Variants in FNDC3B observed in about 807,000 individuals in gnomAD.
FNDC3B encodes the protein fibronectin type III domain containing 3B.
In FNDC3B, 12 loss-of-function variants were observed where a neutral mutation model predicts 151.5. That is an observed-to-expected ratio of 0.08 (90% CI 0.05 to 0.13). The LOEUF is 0.13. Ranked by LOEUF, FNDC3B falls within the 10% of genes least tolerant of loss-of-function variation. The pLI is 1.00. For missense variants in FNDC3B, 1,214 were observed against 1,505.3 expected (o/e 0.81, Z 3.20); for synonymous variants, 528 against 549.0 (o/e 0.96, Z 0.54).
intron 21 of FNDC3B, among the ~76,000 whole-genome samples, chr3:172,351,793 A>C (rs1733869732): frequency 1.3e-5 from 2 of 152,132 alleles, no homozygotes; most frequent in Admixed American, 6.5e-5. Flanking sequence ...TTATGACTTG[A>C]GTGCTCTGAA....
At chr3:172,381,205 A>G in intron 25 of FNDC3B, 112 bp downstream of exon 25, 2 of 1,208,166 alleles carry the variant, frequency 1.7e-6, no homozygotes, top group Non-Finnish European at 2.3e-6. Flanking sequence ...TCAGTGATAG[A>G]AACTGCCTAA....
At chr3:172,330,785 A>G (rs970693771) in intron 13 of FNDC3B, 70 bp downstream of exon 13, 5 of 1,211,466 alleles carry the variant, frequency 4.1e-6, no homozygotes, top group Non-Finnish European at 4.7e-6. Flanking sequence ...ACAGGGCACC[A>G]TGAAATTAGA....
Position 172,251,353 on chromosome 3 carries a change from A to G in FNDC3B, c.602A>G (p.Asp201Gly). ...PHKKLKDRQI[D>G]RQNRLNSPPS... ...AAAAAACTGAAAGACCGCCAGATCG[A>G]TCGCCAGAACCGCCTCAACAGCCCT... is the stretch of plus-strand genomic sequence containing the variant. The change falls in exon 6 of 26, where the codon GAT (aspartate) becomes GGT (glycine). Residue 201 changes from aspartate (D) to glycine (G), a missense_variant. Physicochemically the swap from Asp to Gly is moderately conservative, Grantham distance 94. Around this residue, in one of 7 missense-constraint regions of FNDC3B, gnomAD observed 166 missense variants for 173.2 expected, o/e 0.96. Transcript: ENST00000415807. 1.9e-6 allele frequency: 3 copies of G among 1,614,124 alleles called. No homozygotes were observed. The highest frequency in any genetic ancestry group is 2.2e-5 in the East Asian group (1 of 44,866).
chr3:172,363,266 T>A (rs1363901028), intron 23 of FNDC3B, among the ~76,000 whole-genome samples: 1 of 152,168 alleles, frequency 6.6e-6, no homozygotes, highest in Non-Finnish European at 1.5e-5. Context: ...GTGAAATAGC[T>A]GTGGGTGATG....
chr3:172,053,088 TTCTGTGTGTG>T (rs1716747595), intron 1 of FNDC3B, among the ~76,000 whole-genome samples: 1 of 152,202 alleles, frequency 6.6e-6, no homozygotes, highest in Admixed American at 6.5e-5. Context: ...CATATGTATA[TTCTGTGTGTG>T]TCTGTGTGTA....
At chr3:172,263,599 T>TG (rs1338783399) in intron 6 of FNDC3B, among the ~76,000 whole-genome samples, 3 of 108,496 alleles carry the variant, frequency 2.8e-5, no homozygotes, top group Non-Finnish European at 7.5e-5. Flanking sequence ...TTTTTTTTTT[T>TG]TTTTTTTTTT....
At chr3:172,115,110 TGGC>T (rs1720180087) in intron 2 of FNDC3B, among the ~76,000 whole-genome samples, 6 of 152,222 alleles carry the variant, frequency 3.9e-5, no homozygotes, top group African/African-American at 1.4e-4. Context: ...GCCTAGGCAG[TGGC>T]CTCTGTGCTT....
At chr3:172,274,175 C>G (rs1299070286) in intron 6 of FNDC3B, among the ~76,000 whole-genome samples, 1 of 152,180 alleles carries the variant, frequency 6.6e-6, no homozygotes, top group African/African-American at 2.4e-5. Flanking sequence ...TTTGAAATGG[C>G]TTTCAGTAGC....
At chr3:172,149,857 C>T (rs1294313007) in intron 3 of FNDC3B, among the ~76,000 whole-genome samples, 13 of 129,914 alleles carry the variant, frequency 1.0e-4, no homozygotes, top group Non-Finnish European at 2.0e-4. Context: ...CTTGCTCTGT[C>T]ACCCAGGCTG....
intron 23 of FNDC3B, among the ~76,000 whole-genome samples, chr3:172,367,517 A>C (rs1734693097): frequency 6.6e-6 from 1 of 152,250 alleles, no homozygotes; most frequent in South Asian, 2.1e-4. Context: ...TATACAAGAA[A>C]AATATATCTC....
intron 25 of FNDC3B, among the ~76,000 whole-genome samples, chr3:172,387,123 A>AT (rs1246809598): frequency 6.6e-6 from 1 of 151,416 alleles, no homozygotes; most frequent in African/African-American, 2.4e-5. Context: ...TGCCAGGCTA[A>AT]TTTTTGTATT....
intron 8 of FNDC3B, among the ~76,000 whole-genome samples, chr3:172,297,517 C>T (rs778834140): frequency 2.6e-5 from 4 of 152,112 alleles, no homozygotes; most frequent in Non-Finnish European, 5.9e-5. Flanking sequence ...CTCTGTCGCC[C>T]AGGCTGGAGT....
At chr3:172,209,059 G>A (rs772353686) in intron 3 of FNDC3B, among the ~76,000 whole-genome samples, 1 of 151,770 alleles carries the variant, frequency 6.6e-6, no homozygotes, top group African/African-American at 2.4e-5. Context: ...CGGGAGCCCT[G>A]AGTTCTGGGC....
chr3:172,148,986 T>G (rs1417710819), intron 3 of FNDC3B, among the ~76,000 whole-genome samples: 1 of 152,192 alleles, frequency 6.6e-6, no homozygotes, highest in Admixed American at 6.5e-5. Flanking sequence ...AGAGCAGACT[T>G]TGAAGAAAAT....
chr3:172,319,787 G>C (rs1476881252), intron 11 of FNDC3B, among the ~76,000 whole-genome samples: 17 of 152,184 alleles, frequency 1.1e-4, no homozygotes, highest in Admixed American at 1.0e-3. Flanking sequence ...CCTAGGATCA[G>C]CCGGTGCTGG....
chr3:172,389,274 C>T (rs1040274289), intron 25 of FNDC3B, among the ~76,000 whole-genome samples: 12 of 152,104 alleles, frequency 7.9e-5, no homozygotes, highest in Non-Finnish European at 1.3e-4. Flanking sequence ...CATTTTAAAG[C>T]TCATCTTTGT....
chr3:172,180,837 C>T (rs1303094431), intron 3 of FNDC3B, among the ~76,000 whole-genome samples: 1 of 152,090 alleles, frequency 6.6e-6, no homozygotes, highest in Non-Finnish European at 1.5e-5. Context: ...CTTTCAGATT[C>T]TTAGTATCTT....
chr3:172,079,624 G>A (rs978173211), intron 1 of FNDC3B, among the ~76,000 whole-genome samples: 2 of 152,068 alleles, frequency 1.3e-5, no homozygotes, highest in African/African-American at 2.4e-5. Context: ...GCCATAATAT[G>A]GGAAATCACC....
At chr3:172,110,014 C>G (rs945690458) in intron 1 of FNDC3B, among the ~76,000 whole-genome samples, 1 of 152,188 alleles carries the variant, frequency 6.6e-6, no homozygotes, top group Non-Finnish European at 1.5e-5. Context: ...ACTTGCAGAA[C>G]CTGGAGTTAA....
Sources: allele counts gnomAD v4.1 joint callset (sites outside exome capture counted in the v4.1 genomes callset), GRCh38; gene constraint gnomAD v4.1.1; regional missense constraint gnomAD v4.1.1; transcripts MANE v1.5; gene names NCBI Gene and HGNC (gene_info 2026-07-23, HGNC 2026-07-21).